Variants in CARMIL1 observed in about 807,000 individuals in gnomAD.
The protein encoded by CARMIL1 is capping protein regulator and myosin 1 linker 1.
CARMIL1 carries 90 observed loss-of-function variants against 177.1 expected under a neutral mutation model. The observed-to-expected ratio is 0.51, with a 90% confidence interval of 0.43 to 0.61. The LOEUF (loss-of-function observed/expected upper bound fraction) is 0.61, where lower values mean the gene tolerates loss of function less well. Among genes scored for constraint, CARMIL1 ranks in the 20% least tolerant of loss-of-function variants. The pLI, the probability that CARMIL1 is intolerant of heterozygous loss-of-function variation, is 0.00. For missense variants in CARMIL1, 1,380 were observed against 1,667.0 expected (o/e 0.83, Z 3.00); for synonymous variants, 577 against 606.2 (o/e 0.95, Z 0.71).
rs1179240802 is a variant in CARMIL1 at position 25,334,934 on chromosome 6, C to T, written c.138+50025C>T. Among the ~76,000 whole-genome samples the T allele has an allele frequency of 2.6e-5, 4 of 152,170 alleles. No individual in the cohort carries two copies. In the East Asian group the frequency reaches 5.8e-4, roughly 22 times the overall value. Reference sequence around the variant, plus strand: ...AGCATGAACAGTAACAATCTGAAACCATAGGCCCTTCACACCTCTTCTGTC... The same window carrying T: ...AGCATGAACAGTAACAATCTGAAACTATAGGCCCTTCACACCTCTTCTGTC... On this transcript the variant is annotated intron_variant, in intron 2 of 36. Coordinates refer to ENST00000329474, the MANE Select transcript of CARMIL1 (RefSeq NM_017640.6).
chr6:25,593,852 A>G (rs1420526575), intron 31 of CARMIL1, among the ~76,000 whole-genome samples: 4 of 152,232 alleles, frequency 2.6e-5, no homozygotes, highest in Middle Eastern at 3.4e-3. Context: ...TCCCACTCCC[A>G]TGCCTGTTAA....
At chr6:25,500,405 C>T (rs535054340) in intron 17 of CARMIL1, among the ~76,000 whole-genome samples, 170 bp downstream of exon 17, 12 of 152,248 alleles carry the variant, frequency 7.9e-5, no homozygotes, top group African/African-American at 2.9e-4. Flanking sequence ...TACAGACAGC[C>T]ACAGAACATC....
chr6:25,285,209 G>C (rs948359494), intron 2 of CARMIL1, among the ~76,000 whole-genome samples: 16 of 152,070 alleles, frequency 1.1e-4, no homozygotes, highest in Admixed American at 1.0e-3. Context: ...ATGTTAAATG[G>C]AACTTTTTTA....
At chr6:25,396,168 G>GC (rs1030203282) in intron 2 of CARMIL1, among the ~76,000 whole-genome samples, 4 of 96,708 alleles carry the variant, frequency 4.1e-5, no homozygotes, top group African/African-American at 1.7e-4. Flanking sequence ...AAATTATTCT[G>GC]CTTTTTTTTT....
intron 8 of CARMIL1, chr6:25,451,986 G>GGGGGGGGGGGGGGGGGGGCCC: frequency 8.9e-6 from 1 of 112,672 alleles, no homozygotes; most frequent in Non-Finnish European, 1.7e-5. Context: ...CTAGCATCTT[G>GGGGGGGGGGGGGGGGGGGCCC]CCCCCCCCTC....
At chr6:25,479,520 G>C (rs528822855) in intron 11 of CARMIL1, among the ~76,000 whole-genome samples, 1 of 152,116 alleles carries the variant, frequency 6.6e-6, no homozygotes, top group Non-Finnish European at 1.5e-5. Flanking sequence ...CTTTTCATTT[G>C]ATTTTGATAA....
At position 25,412,335 on chromosome 6, in the gene CARMIL1, C is replaced by G. The variant is rs542600401; in HGVS notation, c.139-7779C>G. Among the ~76,000 whole-genome samples the G allele has an allele frequency of 5.9e-5, 9 of 152,322 alleles. No homozygotes were observed. In the East Asian group the frequency reaches 1.7e-3, roughly 29 times the overall value. On this transcript the variant is annotated intron_variant, in intron 2 of 36. Transcript: ENST00000329474. ...GATGGCCCATGCCAATAATCCCAGT[C>G]CTTTGGGAGGCCGAGCTGGGAGGAT...
intron 22 of CARMIL1, among the ~76,000 whole-genome samples, chr6:25,519,169 T>C (rs973837110): frequency 2.0e-5 from 3 of 152,218 alleles, no homozygotes; most frequent in Non-Finnish European, 4.4e-5. Context: ...TTTATTCTTT[T>C]AATAGATGTC....
At position 25,410,857 on chromosome 6, in the gene CARMIL1, A is replaced by T. The variant is rs73730737; in HGVS notation, c.139-9257A>T. On this transcript the variant is annotated intron_variant, in intron 2 of 36. Transcript: ENST00000329474. ...TTGCTTGAAACTAAGAATAAGCCCT[A>T]ATAGGCACAGAGGAATAATTTAACT... Among the ~76,000 whole-genome samples the T allele has an allele frequency of 5.2e-3, 787 of 152,250 alleles. 8 individuals are homozygous for T. The highest frequency in any genetic ancestry group is 0.018 in the African/African-American group (729 of 41,530).
Position 25,558,076 on chromosome 6 carries a change from A to G in CARMIL1, c.2742+1226A>G, listed in dbSNP as rs928196964. On this transcript the variant is annotated intron_variant, in intron 29 of 36. Coordinates refer to ENST00000329474, the MANE Select transcript of CARMIL1 (RefSeq NM_017640.6). The surrounding 1 kb of genome is among the most constrained non-coding windows in gnomAD (Gnocchi z 4.1). Reference sequence around the variant, plus strand: ...ACTTGGTTGTCCATCTTATTATAACATTTATATTTCATAAGTATTTTGAGT... The same window carrying G: ...ACTTGGTTGTCCATCTTATTATAACGTTTATATTTCATAAGTATTTTGAGT... Among the ~76,000 whole-genome samples the G allele has an allele frequency of 1.3e-5, 2 of 152,198 alleles. No homozygotes were observed. The highest frequency in any genetic ancestry group is 4.8e-5 in the African/African-American group (2 of 41,458).
At position 25,510,008 on chromosome 6, in the gene CARMIL1, G is replaced by A. The variant is rs552165; in HGVS notation, c.1477+271G>A. Among the ~76,000 whole-genome samples, 131,583 of 152,134 alleles carry A rather than the reference G, an allele frequency of 0.86. 56,919 individuals are homozygous for A. Among genetic ancestry groups the A allele is most frequent in the Admixed American group, 0.9 (13,801 of 15,292 alleles). ...AAAAATATCACCAGTACATTGAAAA[G>A]GGTCTGAGACCAACTTTTTGCATTC... is the stretch of plus-strand genomic sequence containing the variant. On this transcript the variant is annotated intron_variant, in intron 18 of 36. Coordinates refer to ENST00000329474, the MANE Select transcript of CARMIL1 (RefSeq NM_017640.6).
At chr6:25,461,848 G>GT (rs1266393480) in intron 8 of CARMIL1, among the ~76,000 whole-genome samples, 3 of 151,866 alleles carry the variant, frequency 2.0e-5, no homozygotes, top group Non-Finnish European at 4.4e-5. Context: ...GTATTGTCAG[G>GT]TTTTTTTAAA....
intron 2 of CARMIL1, among the ~76,000 whole-genome samples, chr6:25,359,551 G>A (rs1422952229): frequency 3.2e-4 from 49 of 152,212 alleles, no homozygotes; most frequent in Non-Finnish European, 4.4e-5. Flanking sequence ...GTAGTATTTG[G>A]GGCATGTGGG....
At chr6:25,563,587 G>A in intron 29 of CARMIL1, 4 of 985,426 alleles carry the variant, frequency 4.1e-6, no homozygotes, top group South Asian at 4.7e-5. Flanking sequence ...CTTAGGTAGC[G>A]ATGAGCTATC....
chr6:25,523,189 G>C (rs1806746563), intron 23 of CARMIL1, among the ~76,000 whole-genome samples: 1 of 152,154 alleles, frequency 6.6e-6, no homozygotes. Flanking sequence ...AAGAAATCAA[G>C]ATTTGAATTT....
At chr6:25,562,254 T>G (rs547662538) in intron 29 of CARMIL1, among the ~76,000 whole-genome samples, 5 of 151,930 alleles carry the variant, frequency 3.3e-5, no homozygotes, top group African/African-American at 9.6e-5. Flanking sequence ...ATCTTTTTTT[T>G]TTTTTTTCTT....
chr6:25,523,895 C>G (rs1056327431), intron 23 of CARMIL1, among the ~76,000 whole-genome samples: 3 of 152,178 alleles, frequency 2.0e-5, no homozygotes, highest in Admixed American at 2.0e-4. Flanking sequence ...AGACTTAGCA[C>G]AGACTAGCTT....
In CARMIL1 at chr6:25,292,541, G is replaced by A. The variant is rs146979269; in HGVS notation, c.138+7632G>A. ...GGGCAGGCTCTGGCCCTGGGTGTGCGTTTTCAGGAGGCAGTTCTGGCTGAC... is the reference window on the plus strand; with the variant it reads ...GGGCAGGCTCTGGCCCTGGGTGTGCATTTTCAGGAGGCAGTTCTGGCTGAC... On this transcript the variant is annotated intron_variant, in intron 2 of 36. Transcript: ENST00000329474. Among the ~76,000 whole-genome samples the A allele has an allele frequency of 3.4e-3, 512 of 152,224 alleles. 4 individuals are homozygous for A. The highest frequency in any genetic ancestry group is 0.011 in the African/African-American group (470 of 41,536).
intron 2 of CARMIL1, among the ~76,000 whole-genome samples, chr6:25,339,306 G>A (rs747523209): frequency 1.1e-4 from 16 of 152,220 alleles, no homozygotes; most frequent in African/African-American, 3.1e-4. Flanking sequence ...TCTGACTAGC[G>A]TATGAGGTTG....
Sources: gnomAD v4.1 joint callset for allele counts (sites outside exome capture counted in the v4.1 genomes callset) on GRCh38, gnomAD v4.1.1 for gene constraint, Gnocchi (gnomAD v3.1) non-coding constraint, MANE v1.5 for transcripts, NCBI Gene and HGNC (gene_info 2026-07-23, HGNC 2026-07-21) for gene names.